RANBP2: variants seen among roughly 807,000 people sequenced by gnomAD.
RANBP2 encodes the protein RAN binding protein 2.
A neutral mutation model predicts 303.6 loss-of-function variants in RANBP2; 57 were observed. The observed-to-expected ratio is 0.19, with a 90% CI of 0.15 to 0.23. The LOEUF (loss-of-function observed/expected upper bound fraction) is 0.23. RANBP2 is among the 10% of genes least tolerant of loss of function. The probability of loss-of-function intolerance (pLI) is 1.00; values close to 1 mark genes in which losing one functional copy is unlikely to be tolerated. For missense variants in RANBP2, 3,138 were observed against 3,780.8 expected (o/e 0.83, Z 4.46); for synonymous variants, 1,167 against 1,301.5 (o/e 0.90, Z 2.23).
the RANBP2 span, among the ~76,000 whole-genome samples, chr2:108,979,926 G>A: frequency 1.3e-5 from 2 of 152,126 alleles, no homozygotes; most frequent in African/African-American, 4.8e-5. Flanking sequence ...GCAGGGTGCT[G>A]TGGCTCTATT....
At chr2:109,199,612 T>TTAACCC in the RANBP2 span, among the ~76,000 whole-genome samples, 3 of 334 alleles carry the variant, frequency 9.0e-3, no homozygotes, top group African/African-American at 8.8e-3. Flanking sequence ...TGGAATGGAA[T>TTAACCC]GGAATGGAAT....
chr2:109,456,079 C>T, the RANBP2 span, among the ~76,000 whole-genome samples: 1 of 152,224 alleles, frequency 6.6e-6, no homozygotes, highest in Non-Finnish European at 1.5e-5. Context: ...TCGCTGGGCT[C>T]CCAGGCCCAC....
the RANBP2 span, among the ~76,000 whole-genome samples, chr2:109,621,152 G>T: frequency 6.6e-6 from 1 of 152,022 alleles, no homozygotes. Flanking sequence ...TTGTTGGTTT[G>T]TTGTTGTTGT....
At chr2:109,465,315 G>A in the RANBP2 span, among the ~76,000 whole-genome samples, 6 of 152,110 alleles carry the variant, frequency 3.9e-5, no homozygotes, top group Non-Finnish European at 5.9e-5. Flanking sequence ...ACATAAATTC[G>A]GATAAATACC....
At chr2:108,782,506 T>G (rs767429814) in intron 27 of RANBP2, 22 bp from the exon 28 acceptor site, 4 of 1,613,862 alleles carry the variant, frequency 2.5e-6, no homozygotes, top group Admixed American at 1.7e-5. Context: ...AGGTCACTGC[T>G]TCCCCTTTCC....
chr2:109,742,367 G>C, the RANBP2 span, among the ~76,000 whole-genome samples: 8 of 132,252 alleles, frequency 6.0e-5, no homozygotes, highest in Non-Finnish European at 1.3e-4. Flanking sequence ...GTTGCAGTGA[G>C]CCGAGACCGT....
intron 3 of RANBP2, 29 bp from the exon 4 acceptor site, chr2:108,731,293 C>T: frequency 6.2e-7 from 1 of 1,607,482 alleles, no homozygotes; most frequent in Non-Finnish European, 8.5e-7. Context: ...AATTTATTTA[C>T]TAATCTTTAA....
At chr2:108,949,693 G>A in the RANBP2 span, among the ~76,000 whole-genome samples, 1 of 152,186 alleles carries the variant, frequency 6.6e-6, no homozygotes, top group East Asian at 1.9e-4. Context: ...CATCCAACCA[G>A]AGAGGCCACT....
intron 17 of RANBP2, 37 bp downstream of exon 17, chr2:108,755,296 C>T (rs1208427783): frequency 6.2e-7 from 1 of 1,611,090 alleles, no homozygotes; most frequent in Non-Finnish European, 8.5e-7. Context: ...ACTTTTTATT[C>T]CAAGATTCCT....
the RANBP2 span, among the ~76,000 whole-genome samples, chr2:109,380,949 T>G: frequency 2.0e-5 from 3 of 152,252 alleles, no homozygotes; most frequent in Non-Finnish European, 2.9e-5. Context: ...GCTGCATGCA[T>G]GTAGACCAGC....
At chr2:109,003,023 T>C in the RANBP2 span, among the ~76,000 whole-genome samples, 1 of 151,828 alleles carries the variant, frequency 6.6e-6, no homozygotes, top group Non-Finnish European at 1.5e-5. Context: ...CTGGCCAATA[T>C]GGTGAAACCC....
chr2:109,672,587 T>C, the RANBP2 span, among the ~76,000 whole-genome samples: 1 of 152,254 alleles, frequency 6.6e-6, no homozygotes, highest in Admixed American at 6.5e-5. Flanking sequence ...TACGTATTAT[T>C]ACCTTCGGTA....
chr2:109,451,015 G>A, the RANBP2 span, among the ~76,000 whole-genome samples: 33 of 152,360 alleles, frequency 2.2e-4, no homozygotes, highest in African/African-American at 6.0e-4. Context: ...CTGGAGGCAG[G>A]CCCTGCTCCC....
At chr2:109,024,765 G>T in the RANBP2 span, among the ~76,000 whole-genome samples, 3 of 152,220 alleles carry the variant, frequency 2.0e-5, no homozygotes, top group African/African-American at 7.2e-5. Context: ...TTCACTGGAA[G>T]AGGGGAAGAA....
chr2:109,197,182 C>T, the RANBP2 span, among the ~76,000 whole-genome samples: 12 of 152,184 alleles, frequency 7.9e-5, no homozygotes, highest in Non-Finnish European at 1.3e-4. Context: ...CCCAGGAAGG[C>T]GGTAGTCTTG....
At chr2:109,382,796 C>A in the RANBP2 span, among the ~76,000 whole-genome samples, 114 of 152,340 alleles carry the variant, frequency 7.5e-4, no homozygotes, top group African/African-American at 2.5e-3. Context: ...TTGAAGTTAG[C>A]ACCCCCAATG....
At chr2:109,535,475 GTAC>G in the RANBP2 span, among the ~76,000 whole-genome samples, 2 of 152,164 alleles carry the variant, frequency 1.3e-5, no homozygotes, top group Admixed American at 6.5e-5. Flanking sequence ...TCCTGTGACT[GTAC>G]TAGGCCAAGT....
the RANBP2 span, among the ~76,000 whole-genome samples, chr2:109,147,518 G>A: frequency 6.6e-6 from 1 of 152,150 alleles, no homozygotes; most frequent in African/African-American, 2.4e-5. Flanking sequence ...ACACTTGAAG[G>A]AATTAGCACT....
the RANBP2 span, among the ~76,000 whole-genome samples, chr2:109,072,771 C>T: frequency 6.6e-6 from 1 of 152,152 alleles, no homozygotes; most frequent in Non-Finnish European, 1.5e-5. Flanking sequence ...AAATGGACCA[C>T]ACATCTAGCA....
Sources: allele counts gnomAD v4.1 joint callset (sites outside exome capture counted in the v4.1 genomes callset), GRCh38; gene constraint gnomAD v4.1.1; transcripts MANE v1.5; gene names NCBI Gene and HGNC (gene_info 2026-07-23, HGNC 2026-07-21).